The following FAIM2 variants were observed in gnomAD, a reference collection of about 807,000 sequenced individuals.
FAIM2 encodes protein lifeguard 2.
A neutral mutation model predicts 47.4 loss-of-function variants in FAIM2; 27 were observed. The ratio of observed to expected loss-of-function variants is 0.57; its 90% CI spans 0.42 to 0.78. FAIM2 has a LOEUF of 0.78. Among genes scored for constraint, FAIM2 ranks in the 30% least tolerant of loss-of-function variants. The pLI, the probability that FAIM2 is intolerant of heterozygous loss-of-function variation, is 0.00. For synonymous variants in FAIM2, 156 were observed against 159.3 expected (o/e 0.98, Z 0.16); for missense variants, 311 against 389.4 (o/e 0.80, Z 1.69).
At position 49,900,181 on chromosome 12, in the gene FAIM2, G is replaced by A. The variant is rs542340673; in HGVS notation, c.211+949C>T. On this transcript the variant is annotated intron_variant, in intron 2 of 11. Coordinates refer to ENST00000320634, the MANE Select transcript of FAIM2 (RefSeq NM_012306.4). ...CTTCATTGACCCTCCAGTAGGTCAC[G>A]GTGGGGTGAGTCTTCAGGGGTCTGC... 5.2e-4 allele frequency: 663 copies of A among 1,287,150 alleles called. 1 individual carries two copies. Among genetic ancestry groups the A allele is most frequent in the South Asian group, 1.0e-3 (83 of 80,754 alleles). 79.7% of individuals were successfully genotyped at this position (1,287,150 alleles called of 1,614,324 possible). A position where few individuals can be genotyped will look rare whatever the true frequency, so the allele number is the denominator to read the frequency against.
intron 11 of FAIM2, among the ~76,000 whole-genome samples, chr12:49,879,624 G>A (rs1356697982): frequency 6.6e-6 from 1 of 151,768 alleles, no homozygotes. Context: ...GTGCATGTGT[G>A]TATATGTGCG....
chr12:49,877,881 T>C (rs995311829), intron 11 of FAIM2, among the ~76,000 whole-genome samples: 1 of 151,056 alleles, frequency 6.6e-6, no homozygotes, highest in Non-Finnish European at 1.5e-5. Context: ...TATACATATA[T>C]GTGTATGTGG....
At chr12:49,877,341 C>T (rs1312403199) in intron 11 of FAIM2, among the ~76,000 whole-genome samples, 1 of 152,218 alleles carries the variant, frequency 6.6e-6, no homozygotes, top group Non-Finnish European at 1.5e-5. Flanking sequence ...GGAACCCACG[C>T]CACTTCCAGG....
rs1034289977 is a variant in FAIM2, at chr12:49,869,468, AG to A, written c.*1035del. 4 of 153,150 alleles carry A rather than the reference AG, an allele frequency of 2.6e-5. No individual in the cohort carries two copies. The highest frequency in any genetic ancestry group is 9.7e-5 in the African/African-American group (4 of 41,450). 9.5% of individuals were successfully genotyped at this position (153,150 alleles called of 1,614,324 possible). On this transcript the variant is annotated 3_prime_UTR_variant, in exon 12 of 12. Transcript: ENST00000320634. The stretch of plus-strand genomic sequence containing the variant: ...GACGAGCCAGCAAACAGCAGCTGAC[AG>A]GAAGGGTTTAGGAAATAAGAGGTGC...
intron 11 of FAIM2, among the ~76,000 whole-genome samples, chr12:49,879,272 GTA>G (rs201009107): frequency 0.027 from 1,718 of 63,782 alleles, 311 homozygotes; most frequent in African/African-American, 0.11. Context: ...GTGTGCATGT[GTA>G]TATGTGTGTA....
intron 8 of FAIM2, 82 bp downstream of exon 8, chr12:49,890,035 G>C: frequency 7.1e-7 from 1 of 1,399,694 alleles, no homozygotes; most frequent in Non-Finnish European, 1.0e-6. Context: ...CATGTGTGTG[G>C]GGCAGCTCCC....
chr12:49,888,572 C>A (rs1946877218), intron 10 of FAIM2, among the ~76,000 whole-genome samples: 1 of 152,122 alleles, frequency 6.6e-6, no homozygotes, highest in Admixed American at 6.5e-5. Flanking sequence ...CAGTTGGATT[C>A]CCCAGGGCAG....
chr12:49,875,097 T>C (rs1946727091), intron 11 of FAIM2, among the ~76,000 whole-genome samples: 1 of 152,236 alleles, frequency 6.6e-6, no homozygotes, highest in Non-Finnish European at 1.5e-5. Context: ...CATTTGCTTT[T>C]TTCTATATTT....
rs1946942493 is a variant in FAIM2, at chr12:49,897,011, G to A, written c.434+20C>T. 6.2e-7 allele frequency: 1 copy of A among 1,602,670 alleles called. No homozygotes were observed. The highest frequency in any genetic ancestry group is 8.5e-7 in the Non-Finnish European group (1 of 1,169,696). ...ACTAAGCCTTCTCTGGAAGGGGACT[G>A]GGGACTGAGATATACTCACTAGGAT... On this transcript the variant is annotated intron_variant, in intron 5 of 11. Transcript: ENST00000320634.
chr12:49,889,263 CA>C lies in FAIM2; in HGVS notation c.652-62del, dbSNP rs1946882939. ...CCTGACCTTCCTGGGGCCCCAACTA[CA>C]GGCTGAGCCCATACAGCAGGCCACA... On this transcript the variant is annotated intron_variant, in intron 9 of 11. Coordinates refer to ENST00000320634, the MANE Select transcript of FAIM2 (RefSeq NM_012306.4). 3.1e-6 allele frequency: 4 copies of C among 1,290,666 alleles called. No individual in the cohort carries two copies. The South Asian group carries it at 5.0e-5, about 16-fold the overall frequency. The allele number at this position is 1,290,666 out of a possible 1,614,324, so 80.0% of individuals were successfully genotyped here.
chr12:49,879,332 A>ATG (rs61721376), intron 11 of FAIM2, among the ~76,000 whole-genome samples: 100,838 of 134,414 alleles, frequency 0.75, 38,073 homozygotes, highest in African/African-American at 0.83. Flanking sequence ...GTGCGTGTGT[A>ATG]TGTGTTTATG....
At chr12:49,880,552 GTGTGTGTGCATGTGTGTATC>G (rs1565615103) in intron 11 of FAIM2, among the ~76,000 whole-genome samples, 1 of 43,480 alleles carries the variant, frequency 2.3e-5, no homozygotes, top group African/African-American at 1.5e-4. Context: ...GTATGCATGC[GTGTGTGTGCATGTGTGTATC>G]TGTGCATGTG....
At chr12:49,884,801 C>T (rs986289670) in intron 11 of FAIM2, among the ~76,000 whole-genome samples, 27 of 152,186 alleles carry the variant, frequency 1.8e-4, no homozygotes, top group Non-Finnish European at 4.4e-5. Flanking sequence ...AGTGAAAGCT[C>T]GTCTCTACTA....
intron 11 of FAIM2, among the ~76,000 whole-genome samples, chr12:49,880,214 GTGTATA>G (rs1946802668): frequency 2.0e-5 from 3 of 151,644 alleles, no homozygotes; most frequent in Non-Finnish European, 4.4e-5. Context: ...GTGTGCATGT[GTGTATA>G]TGTGCATGCA....
intron 11 of FAIM2, among the ~76,000 whole-genome samples, chr12:49,881,592 C>A (rs1365077814): frequency 6.6e-6 from 1 of 152,166 alleles, no homozygotes. Flanking sequence ...CCCATCACGC[C>A]AGCCCCGCCC....
chr12:49,886,544 C>T (rs890792212), intron 11 of FAIM2, among the ~76,000 whole-genome samples: 7 of 152,166 alleles, frequency 4.6e-5, no homozygotes, highest in South Asian at 2.1e-4. Context: ...GGCGCGATCT[C>T]GGCTCACTGC....
chr12:49,898,520 T>TTTTTG (rs1307523121), intron 2 of FAIM2, among the ~76,000 whole-genome samples: 2 of 152,022 alleles, frequency 1.3e-5, no homozygotes, highest in East Asian at 1.9e-4. Context: ...ATTCTTTTTG[T>TTTTTG]TTTTGTTTTG....
intron 11 of FAIM2, among the ~76,000 whole-genome samples, chr12:49,879,693 T>A (rs1285904556): frequency 3.2e-5 from 2 of 61,614 alleles, no homozygotes; most frequent in Non-Finnish European, 6.0e-5. Context: ...TATCTGTGTC[T>A]GTGTGCATGT....
intron 10 of FAIM2, 46 bp downstream of exon 10, chr12:49,889,061 G>A (rs1223226056): frequency 2.0e-6 from 3 of 1,465,468 alleles, no homozygotes; most frequent in Admixed American, 3.8e-5. Flanking sequence ...GGGCCAGTGG[G>A]GCCCCTCCCT....
Sources: gnomAD v4.1 joint callset for allele counts (sites outside exome capture counted in the v4.1 genomes callset) on GRCh38, gnomAD v4.1.1 for gene constraint, MANE v1.5 for transcripts, NCBI Gene and HGNC (gene_info 2026-07-23, HGNC 2026-07-21) for gene names.